Variants in TBC1D22A observed in about 807,000 individuals in gnomAD.
TBC1D22A encodes the protein putative GTPase activator.
Under a neutral mutation model 60.2 loss-of-function variants are expected in TBC1D22A, and 38 were observed. The observed-to-expected ratio is 0.63, with a 90% CI of 0.49 to 0.83. The LOEUF (loss-of-function observed/expected upper bound fraction) is 0.83, where lower values mean the gene tolerates loss of function less well. TBC1D22A is among the 40% of genes least tolerant of loss of function. The probability of loss-of-function intolerance (pLI) is 0.00; values close to 1 mark genes in which losing one functional copy is unlikely to be tolerated. For missense variants in TBC1D22A, 628 were observed against 701.0 expected (o/e 0.90, Z 1.18); for synonymous variants, 302 against 281.7 (o/e 1.07, Z -0.72).
At chr22:47,031,331 C>G (rs147706061) in intron 10 of TBC1D22A, among the ~76,000 whole-genome samples, 6 of 152,202 alleles carry the variant, frequency 3.9e-5, no homozygotes, top group Non-Finnish European at 8.8e-5. Context: ...GAGCCCCCGG[C>G]GGGCAGAAAC....
At chr22:47,008,255 C>T (rs1270037315) in intron 10 of TBC1D22A, among the ~76,000 whole-genome samples, 1 of 152,198 alleles carries the variant, frequency 6.6e-6, no homozygotes, top group Admixed American at 6.5e-5. Context: ...TATGTTTGTT[C>T]TGTGTGGAGC....
At chr22:46,797,248 A>G (rs2084693816) in intron 3 of TBC1D22A, among the ~76,000 whole-genome samples, 196 bp from the exon 4 acceptor site, 2 of 152,188 alleles carry the variant, frequency 1.3e-5, no homozygotes, top group Admixed American at 1.3e-4. Context: ...GTTGGTGAAT[A>G]ATACTCTGCC....
chr22:46,845,808 T>C (rs1569122075), intron 4 of TBC1D22A, among the ~76,000 whole-genome samples: 2 of 152,246 alleles, frequency 1.3e-5, no homozygotes, highest in Non-Finnish European at 2.9e-5. Context: ...GATAGAATGA[T>C]GATCATGTAC....
intron 7 of TBC1D22A, among the ~76,000 whole-genome samples, chr22:46,910,787 G>A (rs1258777686): frequency 6.6e-6 from 1 of 152,108 alleles, no homozygotes; most frequent in Non-Finnish European, 1.5e-5. Context: ...CCCAGGGTGC[G>A]GGAGTGGCAG....
chr22:47,129,982 G>T (rs2066625273), intron 12 of TBC1D22A, among the ~76,000 whole-genome samples: 2 of 152,188 alleles, frequency 1.3e-5, no homozygotes, highest in Admixed American at 6.5e-5. Context: ...TTACCCTGTG[G>T]TCCCAGCACA....
rs1010223868 is a variant in TBC1D22A at position 47,028,448 on chromosome 22, C to T, written c.1202-8623C>T. Among the ~76,000 whole-genome samples the T allele has an allele frequency of 8.0e-6, 1 of 125,446 alleles. No individual in the cohort carries two copies. The highest frequency in any genetic ancestry group is 3.8e-5 in the African/African-American group (1 of 26,164). 82.3% of individuals were successfully genotyped at this position (125,446 alleles called of 152,430 possible). On this transcript the variant is annotated intron_variant, in intron 10 of 12. Coordinates refer to ENST00000337137, the MANE Select transcript of TBC1D22A (RefSeq NM_014346.5). This position sits in a 1 kb window ranked among gnomAD's most constrained non-coding sequence, Gnocchi z 4.4. ...AGCGAGTGGTCGCATTCCTGTCCCTCGGTCCCTGTCCCCCACGGCCCAGGT... is the reference window on the plus strand; with the variant it reads ...AGCGAGTGGTCGCATTCCTGTCCCTTGGTCCCTGTCCCCCACGGCCCAGGT...
At chr22:47,093,096 A>G (rs2065041085) in intron 11 of TBC1D22A, among the ~76,000 whole-genome samples, 1 of 152,254 alleles carries the variant, frequency 6.6e-6, no homozygotes, top group East Asian at 1.9e-4. Flanking sequence ...AGTCTACTTG[A>G]GCTTGTATAA....
intron 12 of TBC1D22A, among the ~76,000 whole-genome samples, chr22:47,142,000 C>T (rs1003545964): frequency 2.6e-5 from 4 of 152,154 alleles, no homozygotes; most frequent in Admixed American, 1.3e-4. Context: ...CAACATCAGC[C>T]TCCTGTGTGC....
chr22:47,055,433 C>A (rs761516726), intron 11 of TBC1D22A, among the ~76,000 whole-genome samples: 42 of 152,234 alleles, frequency 2.8e-4, no homozygotes, highest in Non-Finnish European at 5.0e-4. Flanking sequence ...GAAAACTAGC[C>A]CCAGTAGTTT....
At chr22:46,896,591 C>T (rs932291217) in intron 7 of TBC1D22A, among the ~76,000 whole-genome samples, 2 of 152,190 alleles carry the variant, frequency 1.3e-5, no homozygotes, top group Non-Finnish European at 2.9e-5. Flanking sequence ...GGGTCCAGCT[C>T]ATCTCCCATA....
intron 4 of TBC1D22A, among the ~76,000 whole-genome samples, chr22:46,798,456 G>A (rs1373303975): frequency 1.3e-5 from 2 of 152,268 alleles, no homozygotes; most frequent in Admixed American, 1.3e-4. Flanking sequence ...ACAGTCACCA[G>A]TGTGACTCTT....
chr22:47,160,670 A>G (rs190791453), intron 12 of TBC1D22A, among the ~76,000 whole-genome samples: 2 of 152,330 alleles, frequency 1.3e-5, no homozygotes, highest in Admixed American at 1.3e-4. Flanking sequence ...AATGTCTGAA[A>G]TTTGAATCTT....
At chr22:46,843,357 C>T (rs2086856160) in intron 4 of TBC1D22A, among the ~76,000 whole-genome samples, 1 of 152,066 alleles carries the variant, frequency 6.6e-6, no homozygotes, top group Non-Finnish European at 1.5e-5. Context: ...ATAAAACAGC[C>T]ACGGGTATAC....
intron 7 of TBC1D22A, among the ~76,000 whole-genome samples, chr22:46,908,642 A>G (rs2069664749): frequency 6.6e-6 from 1 of 152,154 alleles, no homozygotes. Context: ...TTTAAAGTAC[A>G]TTACTACCCA....
At chr22:46,951,370 G>A (rs1239507402) in intron 8 of TBC1D22A, among the ~76,000 whole-genome samples, 1 of 152,142 alleles carries the variant, frequency 6.6e-6, no homozygotes, top group Non-Finnish European at 1.5e-5. Flanking sequence ...CTGAGGCCGG[G>A]CAGCAGTGTC....
At chr22:47,043,464 A>C (rs934642624) in intron 11 of TBC1D22A, among the ~76,000 whole-genome samples, 1 of 152,086 alleles carries the variant, frequency 6.6e-6, no homozygotes, top group Non-Finnish European at 1.5e-5. Context: ...TGTTGTGGGG[A>C]CTGAGCGAGT....
At chr22:47,165,586 G>A (rs943853570) in intron 12 of TBC1D22A, among the ~76,000 whole-genome samples, 1 of 152,112 alleles carries the variant, frequency 6.6e-6, no homozygotes, top group Non-Finnish European at 1.5e-5. Flanking sequence ...CCCCGACAGT[G>A]GTATGGGGAA....
intron 8 of TBC1D22A, among the ~76,000 whole-genome samples, chr22:46,951,145 A>G (rs745990154): frequency 2.6e-5 from 4 of 152,178 alleles, no homozygotes; most frequent in Non-Finnish European, 5.9e-5. Flanking sequence ...AAATAGAGAC[A>G]ATCCTTGCAG....
chr22:46,882,241 C>T (rs1287823106), intron 5 of TBC1D22A, among the ~76,000 whole-genome samples: 1 of 152,210 alleles, frequency 6.6e-6, no homozygotes, highest in East Asian at 1.9e-4. Context: ...GTGAACCATG[C>T]AGTCCACAGA....
Sources: allele counts gnomAD v4.1 joint callset (sites outside exome capture counted in the v4.1 genomes callset), GRCh38; gene constraint gnomAD v4.1.1; non-coding constraint Gnocchi (gnomAD v3.1); transcripts MANE v1.5; gene names NCBI Gene and HGNC (gene_info 2026-07-23, HGNC 2026-07-21).